The following DLG2 variants were observed in gnomAD, a reference collection of about 807,000 sequenced individuals.
DLG2 encodes the protein discs large MAGUK scaffold protein 2.
DLG2 carries 45 observed loss-of-function variants against 132.5 expected under a neutral mutation model. The observed-to-expected ratio is 0.34, with a 90% CI of 0.27 to 0.44. The LOEUF is 0.44. Ranked by LOEUF, DLG2 falls within the 20% of genes least tolerant of loss-of-function variation. The pLI is 1.00. For missense variants in DLG2, 1,045 were observed against 1,196.9 expected, an observed-to-expected ratio of 0.87 and a Z score of 1.87; for synonymous variants, 424 against 419.6, an observed-to-expected ratio of 1.01 and a Z score of -0.13.
chr11:84,019,205 A>C (rs1015796157), intron 11 of DLG2, among the ~76,000 whole-genome samples: 2 of 152,132 alleles, frequency 1.3e-5, no homozygotes, highest in Non-Finnish European at 2.9e-5. Context: ...GCCGTTCAGT[A>C]TTCTCTATGT....
chr11:84,627,467 T>C (rs923790676), intron 6 of DLG2, among the ~76,000 whole-genome samples: 103 of 152,354 alleles, frequency 6.8e-4, no homozygotes, highest in African/African-American at 2.4e-3. Context: ...CATATTATTC[T>C]GTTACTATAA....
At chr11:83,567,979 ATATATATGTAAATAAGGCGTATGATCT>A (rs2096737026) in intron 19 of DLG2, among the ~76,000 whole-genome samples, 1 of 152,186 alleles carries the variant, frequency 6.6e-6, no homozygotes, top group Non-Finnish European at 1.5e-5. Context: ...CTCCATATGC[ATATATATGTAAATAAGGCGTATGATCT>A]TATATATGTA....
intron 7 of DLG2, chr11:84,272,191 G>C (rs1424435055): frequency 2.8e-6 from 1 of 352,454 alleles, no homozygotes; most frequent in African/African-American, 2.1e-5. Flanking sequence ...TTCAAATATA[G>C]CCCAGAGTTT....
At chr11:85,088,843 T>C (rs2068329497) in intron 6 of DLG2, among the ~76,000 whole-genome samples, 1 of 152,170 alleles carries the variant, frequency 6.6e-6, no homozygotes, top group Non-Finnish European at 1.5e-5. Context: ...CTCTAAACAC[T>C]ACCTCTAATA....
chr11:83,807,861 A>T (rs991842081), intron 17 of DLG2, among the ~76,000 whole-genome samples: 1 of 152,144 alleles, frequency 6.6e-6, no homozygotes, highest in Non-Finnish European at 1.5e-5. Flanking sequence ...AGCTAACATA[A>T]GAGATACGGT....
intron 9 of DLG2, among the ~76,000 whole-genome samples, chr11:84,159,474 A>G (rs1360563198): frequency 6.6e-6 from 1 of 152,200 alleles, no homozygotes. Context: ...AGGCAGCTAG[A>G]ATAACATACA....
chr11:85,046,421 A>C (rs1414694052), intron 6 of DLG2, among the ~76,000 whole-genome samples: 1 of 152,002 alleles, frequency 6.6e-6, no homozygotes. Flanking sequence ...TGAGGCAAAT[A>C]ATTAAATTAC....
chr11:85,035,418 GA>G (rs5793155), intron 6 of DLG2, among the ~76,000 whole-genome samples: 1 of 152,200 alleles, frequency 6.6e-6, no homozygotes, highest in Non-Finnish European at 1.5e-5. Flanking sequence ...GAGGCTTCAG[GA>G]AACTTACAAT....
At chr11:85,606,711 A>G (rs2080577290) in intron 2 of DLG2, among the ~76,000 whole-genome samples, 1 of 152,148 alleles carries the variant, frequency 6.6e-6, no homozygotes, top group Admixed American at 6.5e-5. Flanking sequence ...CGCCGCCTTT[A>G]TGAGCTATAA....
chr11:83,961,543 T>C (rs2088787707), intron 14 of DLG2, among the ~76,000 whole-genome samples: 1 of 152,028 alleles, frequency 6.6e-6, no homozygotes, highest in Non-Finnish European at 1.5e-5. Flanking sequence ...AAAATGGAGA[T>C]GAAAGCCTTT....
At chr11:84,337,059 C>T (rs1298178692) in intron 7 of DLG2, among the ~76,000 whole-genome samples, 2 of 152,128 alleles carry the variant, frequency 1.3e-5, no homozygotes, top group African/African-American at 2.4e-5. Context: ...ATCAGGATAA[C>T]TTTCACTTTT....
Position 85,203,298 on chromosome 11 carries a change from A to AG in DLG2, c.187-48648_187-48647insC, listed in dbSNP as rs1225527943. ...ACAAACCTGTAGCTAGATTAAGACA[A>AG]AAAAAGAGAAGAGCCATATAAACAA... On this transcript the variant is annotated intron_variant, in intron 4 of 27. Coordinates refer to ENST00000376104, the MANE Select transcript of DLG2 (RefSeq NM_001142699.3). 4.3e-4 allele frequency among the ~76,000 whole-genome samples: 65 copies of AG among 151,830 alleles called. No individual in the cohort carries two copies. In the Middle Eastern group the frequency reaches 0.024, roughly 56 times the overall value.
At chr11:84,252,776 G>T (rs1388580649) in intron 7 of DLG2, among the ~76,000 whole-genome samples, 1 of 152,034 alleles carries the variant, frequency 6.6e-6, no homozygotes, top group African/African-American at 2.4e-5. Context: ...TTTCATCTTT[G>T]TCTCAAATTA....
chr11:83,796,171 T>C (rs976728070), intron 17 of DLG2, among the ~76,000 whole-genome samples: 1 of 152,236 alleles, frequency 6.6e-6, no homozygotes, highest in Non-Finnish European at 1.5e-5. Flanking sequence ...GAGTGAATAA[T>C]ATTTTCTCAC....
At chr11:84,955,240 T>C (rs1296716841) in intron 6 of DLG2, 1 of 152,218 alleles carries the variant, frequency 6.6e-6, no homozygotes, top group Non-Finnish European at 1.5e-5. Context: ...CTCTAAGTTT[T>C]TATTCTGTAC....
At chr11:85,623,186 ATATAT>A (rs1291239522) in intron 2 of DLG2, among the ~76,000 whole-genome samples, 8 of 152,198 alleles carry the variant, frequency 5.3e-5, no homozygotes, top group Non-Finnish European at 7.3e-5. Flanking sequence ...ATGTTTATAT[ATATAT>A]TATATCACTG....
At chr11:84,362,101 T>G (rs1256815241) in intron 7 of DLG2, among the ~76,000 whole-genome samples, 1 of 151,906 alleles carries the variant, frequency 6.6e-6, no homozygotes. Context: ...AGGTAGAGAT[T>G]GATGGATTGA....
At chr11:84,520,921 G>C (rs114160583) in intron 7 of DLG2, among the ~76,000 whole-genome samples, 7 of 152,304 alleles carry the variant, frequency 4.6e-5, no homozygotes, top group African/African-American at 1.7e-4. Flanking sequence ...GCACATTTCT[G>C]ATGCCATGCC....
chr11:85,031,979 T>TTTTTGTTTTGG (rs1555346351), intron 6 of DLG2, among the ~76,000 whole-genome samples: 1 of 148,798 alleles, frequency 6.7e-6, no homozygotes. Flanking sequence ...TTTTTGTATT[T>TTTTTGTTTTGG]TCAGTAGAGG....
Sources: allele counts gnomAD v4.1 joint callset (sites outside exome capture counted in the v4.1 genomes callset), GRCh38; gene constraint gnomAD v4.1.1; transcripts MANE v1.5; gene names NCBI Gene and HGNC (gene_info 2026-07-23, HGNC 2026-07-21).